Variants in GABRG1 observed in about 807,000 individuals in gnomAD.
GABRG1 encodes the protein gamma-aminobutyric acid receptor subunit gamma-1.
In GABRG1, 49 loss-of-function variants were observed where a neutral mutation model predicts 49.8. The observed-to-expected ratio is 0.98, with a 90% CI of 0.78 to 1.25. GABRG1 has a LOEUF of 1.25. Among genes scored for constraint, GABRG1 ranks in the 50% most tolerant of loss-of-function variants. The pLI, the probability that GABRG1 is intolerant of heterozygous loss-of-function variation, is 0.00. For missense variants in GABRG1, 552 were observed against 552.3 expected (o/e 1.00, Z 0.01); for synonymous variants, 232 against 185.1 (o/e 1.25, Z -2.06).
intron 1 of GABRG1, among the ~76,000 whole-genome samples, chr4:46,102,927 T>C (rs1021540605): frequency 2.0e-5 from 3 of 151,626 alleles, no homozygotes; most frequent in African/African-American, 7.2e-5. Flanking sequence ...GTCAGTCAAT[T>C]AATATAAACT....
chr4:46,071,457 G>A (rs1719119046), intron 3 of GABRG1, among the ~76,000 whole-genome samples: 1 of 148,952 alleles, frequency 6.7e-6, no homozygotes, highest in East Asian at 1.9e-4. Flanking sequence ...ATATTATAAT[G>A]TAATGTATAT....
chr4:46,043,255 G>A (rs962965630), intron 8 of GABRG1, among the ~76,000 whole-genome samples: 2 of 151,818 alleles, frequency 1.3e-5, no homozygotes, highest in Non-Finnish European at 2.9e-5. Flanking sequence ...GCACTAAAAT[G>A]AACAAAAACT....
intron 1 of GABRG1, among the ~76,000 whole-genome samples, chr4:46,116,283 A>G (rs1202349946): frequency 6.6e-6 from 1 of 150,864 alleles, no homozygotes; most frequent in Non-Finnish European, 1.5e-5. Flanking sequence ...ATTATAGTCT[A>G]TTTAAAAAAT....
intron 1 of GABRG1, among the ~76,000 whole-genome samples, chr4:46,117,646 A>G (rs1431557057): frequency 1.4e-5 from 2 of 144,740 alleles, no homozygotes; most frequent in African/African-American, 5.0e-5. Flanking sequence ...ACATATATAC[A>G]TATATATGTA....
intron 1 of GABRG1, among the ~76,000 whole-genome samples, chr4:46,118,298 A>G (rs1171272731): frequency 2.0e-5 from 3 of 149,988 alleles, no homozygotes; most frequent in African/African-American, 7.3e-5. Flanking sequence ...ATCTAGATGT[A>G]TATATATCTT....
At chr4:46,064,571 G>A in intron 4 of GABRG1, 48 bp from the exon 5 acceptor site, 1 of 995,482 alleles carries the variant, frequency 1.0e-6, no homozygotes, top group Non-Finnish European at 1.4e-6. Flanking sequence ...ATAATTTGAA[G>A]CATTAAAAAT....
chr4:46,062,821 C>A (rs1377399867), intron 5 of GABRG1, among the ~76,000 whole-genome samples: 2 of 152,230 alleles, frequency 1.3e-5, no homozygotes, highest in East Asian at 3.9e-4. Context: ...TCAGCAAAGT[C>A]TCAGGATACA....
chr4:46,065,384 TC>T lies in GABRG1; in HGVS notation c.521del (p.Gly174AspfsTer7). ...ATTACCTTAGAGTATACAGAACTCG[TC>T]CATCATTCCAAATTCGAAGCAGACG... Reference protein sequence around the residue: ...PNRLLRIWNDGRVLYTLRLTI... With the variant: ...PNRLLRIWNDXRVLYTLRLTI... On this transcript the variant is annotated frameshift_variant, in exon 4 of 9. Transcript: ENST00000295452. LOFTEE classifies it high-confidence loss of function. 6.2e-7 allele frequency: 1 copy of T among 1,607,242 alleles called. No individual in the cohort carries two copies.
intron 5 of GABRG1, among the ~76,000 whole-genome samples, chr4:46,064,113 A>G (rs1718816542): frequency 6.6e-6 from 1 of 152,088 alleles, no homozygotes; most frequent in Admixed American, 6.6e-5. Flanking sequence ...AATTTGAATC[A>G]CCTTTTCTTG....
intron 8 of GABRG1, among the ~76,000 whole-genome samples, chr4:46,051,180 A>C (rs1439649549): frequency 1.3e-5 from 2 of 151,846 alleles, no homozygotes; most frequent in African/African-American, 4.8e-5. Context: ...AGAATCTACC[A>C]CTGTGGGAAA....
At chr4:46,075,434 G>A (rs1252610597) in intron 3 of GABRG1, among the ~76,000 whole-genome samples, 1 of 151,932 alleles carries the variant, frequency 6.6e-6, no homozygotes, top group African/African-American at 2.4e-5. Flanking sequence ...GAGCTCAGGT[G>A]ATCCTCCCGC....
At chr4:46,043,963 T>C (rs1717886119) in intron 8 of GABRG1, among the ~76,000 whole-genome samples, 2 of 152,028 alleles carry the variant, frequency 1.3e-5, no homozygotes. Context: ...ATAATTATTA[T>C]ACCATCTGCT....
intron 8 of GABRG1, among the ~76,000 whole-genome samples, chr4:46,041,514 C>T (rs1349501207): frequency 6.6e-6 from 1 of 151,614 alleles, no homozygotes; most frequent in Non-Finnish European, 1.5e-5. Flanking sequence ...GTTGACTCAC[C>T]AAAATATCAT....
intron 3 of GABRG1, among the ~76,000 whole-genome samples, chr4:46,072,746 T>C (rs1719178703): frequency 6.6e-6 from 1 of 152,094 alleles, no homozygotes; most frequent in Non-Finnish European, 1.5e-5. Context: ...TTGAGTGATG[T>C]TTCAAGAAAA....
chr4:46,111,745 ACT>A (rs1378018465), intron 1 of GABRG1, among the ~76,000 whole-genome samples: 1 of 151,282 alleles, frequency 6.6e-6, no homozygotes, highest in African/African-American at 2.4e-5. Context: ...TGAGAAAAGG[ACT>A]CTCTATTCAA....
chr4:46,061,147 C>G (rs1386300947), intron 5 of GABRG1, among the ~76,000 whole-genome samples: 1 of 152,110 alleles, frequency 6.6e-6, no homozygotes, highest in Non-Finnish European at 1.5e-5. Context: ...TGAAGAAGTA[C>G]AACTGCTACA....
chr4:46,051,201 T>C (rs1424736288), intron 8 of GABRG1, among the ~76,000 whole-genome samples: 1 of 151,774 alleles, frequency 6.6e-6, no homozygotes, highest in Non-Finnish European at 1.5e-5. Context: ...ATTCAGGCCA[T>C]AATAAACCAC....
rs1340785281 is a variant in GABRG1 at position 46,055,102 on chromosome 4, G to A, written c.916+3115C>T. Among the ~76,000 whole-genome samples, 5 of 38,834 alleles carry A rather than the reference G, an allele frequency of 1.3e-4. No homozygotes were observed. The East Asian group carries it at 3.0e-3, about 24-fold the overall frequency. The allele number at this position is 38,834 out of a possible 152,430, so 25.5% of individuals were successfully genotyped here. Reference sequence around the variant, plus strand: ...GCAACAAAAGCCAAAATTGACAAATGGGATCTAATTAAACTAAAGAGCTTC... The same window carrying A: ...GCAACAAAAGCCAAAATTGACAAATAGGATCTAATTAAACTAAAGAGCTTC... On this transcript the variant is annotated intron_variant, in intron 7 of 8. Coordinates refer to ENST00000295452, the MANE Select transcript of GABRG1 (RefSeq NM_173536.4).
At chr4:46,075,668 G>A (rs1412398952) in intron 3 of GABRG1, among the ~76,000 whole-genome samples, 2 of 151,954 alleles carry the variant, frequency 1.3e-5, no homozygotes, top group African/African-American at 4.8e-5. Flanking sequence ...TTACCAGGGT[G>A]TAAATATCTA....
Sources: gnomAD v4.1 joint callset for allele counts (sites outside exome capture counted in the v4.1 genomes callset) on GRCh38, gnomAD v4.1.1 for gene constraint, MANE v1.5 for transcripts, NCBI Gene and HGNC (gene_info 2026-07-23, HGNC 2026-07-21) for gene names.